Variants in NARF observed in about 807,000 individuals in gnomAD.
NARF encodes nuclear prelamin A recognition factor.
A neutral mutation model predicts 48.0 loss-of-function variants in NARF; 41 were observed. The observed-to-expected ratio is 0.85, with a 90% CI of 0.66 to 1.11. NARF has a LOEUF of 1.11. NARF is among the 50% of genes least tolerant of loss of function. NARF has a pLI of 0.00. For missense variants in NARF, 613 were observed against 590.2 expected (o/e 1.04, Z -0.40); for synonymous variants, 215 against 225.5 (o/e 0.95, Z 0.42).
intron 3 of NARF, among the ~76,000 whole-genome samples, chr17:82,468,305 C>CTGT (rs1555627265): frequency 6.8e-6 from 1 of 146,638 alleles, no homozygotes; most frequent in Admixed American, 6.8e-5. Flanking sequence ...GGGTGAAACT[C>CTGT]TGTTTTTTTT....
At chr17:82,473,313 G>T (rs1280938602) in intron 5 of NARF, among the ~76,000 whole-genome samples, 58 of 137,264 alleles carry the variant, frequency 4.2e-4, no homozygotes, top group African/African-American at 1.5e-3. Flanking sequence ...TTTTTTTTTG[G>T]AGACGGAATC....
chr17:82,484,677 G>C, intron 8 of NARF, 136 bp from the exon 9 acceptor site: 1 of 1,122,196 alleles, frequency 8.9e-7, no homozygotes, highest in Non-Finnish European at 1.2e-6. Flanking sequence ...TTTCTGCAAA[G>C]TTTAAACATC....
rs2044174486 is a variant in NARF, at chr17:82,490,334, G to A, written c.*2177G>A. On this transcript the variant is annotated 3_prime_UTR_variant, in exon 11 of 11. Transcript: ENST00000309794. ...CCTTCCCAGCCCTCCGTGCTGCAGA[G>A]CCTCTGCTCGCTAGGCTGCCTTCAT... The A allele has an allele frequency of 6.6e-6, 1 of 152,328 alleles. No homozygotes were observed. Among genetic ancestry groups the A allele is most frequent in the Non-Finnish European group, 1.5e-5 (1 of 68,084 alleles). The allele number at this position is 152,328 out of a possible 1,614,324, so 9.4% of individuals were successfully genotyped here.
chr17:82,480,966 G>T, intron 6 of NARF, 116 bp from the exon 7 acceptor site: 19 of 1,186,622 alleles, frequency 1.6e-5, no homozygotes, highest in Non-Finnish European at 2.1e-5. Context: ...AGCATGCAGT[G>T]TCTGGAGGGC....
chr17:82,469,592 GTTGTTTGT>G (rs567739106), intron 4 of NARF, among the ~76,000 whole-genome samples: 16 of 151,842 alleles, frequency 1.1e-4, no homozygotes, highest in East Asian at 3.9e-4. Flanking sequence ...GGTTTTTTTT[GTTGTTTGT>G]TTGTTTGTTT....
At position 82,488,075 on chromosome 17, in the gene NARF, A is replaced by G. The variant is rs370872366; in HGVS notation, c.1289A>G (p.Asn430Ser). Residue 430 changes from asparagine (N) to serine (S), a missense_variant, in exon 11 of 11, where the codon AAC (asparagine) becomes AGC (serine). Physicochemically the swap from Asn to Ser is conservative, Grantham distance 46. Coordinates refer to ENST00000309794, the MANE Select transcript of NARF (RefSeq NM_012336.4). Reference sequence around the variant, plus strand: ...TACCAGGAGTGGCTGGAGGGGATCAACTCCCCCAAGGCCCGAGAGGTGCTG... The same window carrying G: ...TACCAGGAGTGGCTGGAGGGGATCAGCTCCCCCAAGGCCCGAGAGGTGCTG... ...ELYQEWLEGI[N>S]SPKAREVLHT... is the part of the protein sequence containing the mutation. 41 of 1,613,470 alleles carry G rather than the reference A, an allele frequency of 2.5e-5. No individual in the cohort carries two copies. Among genetic ancestry groups the G allele is most frequent in the Non-Finnish European group, 3.3e-5 (39 of 1,179,936 alleles).
At chr17:82,468,620 A>T in intron 3 of NARF, 144 bp from the exon 4 acceptor site, 2 of 754,426 alleles carry the variant, frequency 2.7e-6, no homozygotes, top group Non-Finnish European at 4.1e-6. Flanking sequence ...CCTTTTTCTT[A>T]ATTATGTTTG....
intron 5 of NARF, among the ~76,000 whole-genome samples, chr17:82,473,229 C>T (rs1468795368): frequency 6.6e-6 from 1 of 151,604 alleles, no homozygotes; most frequent in African/African-American, 2.4e-5. Context: ...GCGTGAGCCA[C>T]TGTGCCCAGT....
At chr17:82,484,729 A>T (rs2044054848) in intron 8 of NARF, 84 bp from the exon 9 acceptor site, 3 of 1,467,976 alleles carry the variant, frequency 2.0e-6, no homozygotes, top group African/African-American at 2.9e-5. Context: ...TTGGATTGTG[A>T]TGCCCTCAGG....
chr17:82,472,059 A>G (rs1434811582), intron 4 of NARF, among the ~76,000 whole-genome samples: 63 of 152,324 alleles, frequency 4.1e-4, no homozygotes, highest in Non-Finnish European at 1.5e-5. Flanking sequence ...GGTAAAGCAC[A>G]CGGTCTTGAA....
rs2044141951 is a variant in NARF, at chr17:82,488,187, G to A, written c.*30G>A. 1.9e-6 allele frequency: 3 copies of A among 1,605,964 alleles called. No homozygotes were observed. The highest frequency in any genetic ancestry group is 2.2e-5 in the South Asian group (2 of 90,506). On this transcript the variant is annotated 3_prime_UTR_variant, in exon 11 of 11. Transcript: ENST00000309794. Reference sequence around the variant, plus strand: ...AGGCCAGGGCCTTCCAGCTGCTCTTGGGGCCAGAGCCAAGAGCCTCTCAGT... The same window carrying A: ...AGGCCAGGGCCTTCCAGCTGCTCTTAGGGCCAGAGCCAAGAGCCTCTCAGT...
rs2044145028 is a variant in NARF, at chr17:82,488,319, CCTCAGGCAGTTT to C, written c.*164_*175del. On this transcript the variant is annotated 3_prime_UTR_variant, in exon 11 of 11. Transcript: ENST00000309794. ...CCTGCTACCCCGTTTATTGGAGGCC[CCTCAGGCAGTTT>C]CATGTGGTGCTATCTTCATAATAGG... 1 of 1,148,700 alleles carries C rather than the reference CCTCAGGCAGTTT, an allele frequency of 8.7e-7. No individual in the cohort carries two copies. The allele number at this position is 1,148,700 out of a possible 1,614,324, so 71.2% of individuals were successfully genotyped here. A position where few individuals can be genotyped will look rare whatever the true frequency, so the allele number is the denominator to read the frequency against.
intron 6 of NARF, 133 bp from the exon 7 acceptor site, chr17:82,480,949 A>AAT: frequency 3.2e-6 from 3 of 928,936 alleles, no homozygotes; most frequent in Non-Finnish European, 4.6e-6. Flanking sequence ...AAAAAAAAAA[A>AAT]GAGTGCAGCA....
At chr17:82,458,665 T>G, upstream of NARF, 1 of 1,162,844 alleles carries the variant, frequency 8.6e-7, no homozygotes, top group Non-Finnish European at 1.1e-6. Flanking sequence ...GGTGCTCTCA[T>G]TGGCCGAGCG....
chr17:82,483,484 A>G (rs1300409541), intron 7 of NARF: 4 of 511,506 alleles, frequency 7.8e-6, no homozygotes, highest in Non-Finnish European at 1.1e-5. Context: ...CCCACAGTTC[A>G]AGGGCAGAAA....
At chr17:82,487,109 T>G (rs2044112230) in intron 10 of NARF, among the ~76,000 whole-genome samples, 1 of 152,238 alleles carries the variant, frequency 6.6e-6, no homozygotes, top group Non-Finnish European at 1.5e-5. Flanking sequence ...GATTTGCATA[T>G]GAAGCCACCC....
chr17:82,487,886 A>G, intron 10 of NARF, 30 bp from the exon 11 acceptor site: 1 of 1,603,826 alleles, frequency 6.2e-7, no homozygotes, highest in East Asian at 2.3e-5. Context: ...GCCTGAGCCC[A>G]GGATAAACTT....
chr17:82,462,193 A>G (rs2043455385), intron 2 of NARF, among the ~76,000 whole-genome samples: 1 of 152,162 alleles, frequency 6.6e-6, no homozygotes. Flanking sequence ...ACACAGGGTG[A>G]GAGGAGTTGG....
Position 82,478,877 on chromosome 17 carries a change from G to A in NARF, c.598G>A (p.Val200Ile). The A allele has an allele frequency of 6.2e-7, 1 of 1,614,056 alleles. No homozygotes were observed. Among genetic ancestry groups the A allele is most frequent in the Non-Finnish European group, 8.5e-7 (1 of 1,179,998 alleles). The change falls in exon 6 of 11, where the codon GTC (valine) becomes ATC (isoleucine). Residue 200 changes from valine (V) to isoleucine (I), a missense_variant. Val to Ile is a conservative substitution (Grantham distance 29, BLOSUM62 3). Coordinates refer to ENST00000309794, the MANE Select transcript of NARF (RefSeq NM_012336.4). Reference sequence around the variant, plus strand: ...CTGCACCGCCAAGTCCCCCCAGCAGGTCATGGGCTCTTTGGTGAAGGATTA... The same window carrying A: ...CTGCACCGCCAAGTCCCCCCAGCAGATCATGGGCTCTTTGGTGAAGGATTA... ...HLCTAKSPQQ[V>I]MGSLVKDYFA...
Sources: gnomAD v4.1 joint callset for allele counts (sites outside exome capture counted in the v4.1 genomes callset) on GRCh38, gnomAD v4.1.1 for gene constraint, MANE v1.5 for transcripts, NCBI Gene and HGNC (gene_info 2026-07-23, HGNC 2026-07-21) for gene names.